MTMR10: variants seen among roughly 807,000 people sequenced by gnomAD.
MTMR10 encodes myotubularin-related protein 10.
MTMR10 carries 56 observed loss-of-function variants against 88.1 expected under a neutral mutation model. That is an observed-to-expected ratio of 0.64 (90% CI 0.51 to 0.79). The LOEUF is 0.79. MTMR10 is among the 30% of genes least tolerant of loss of function. The probability of loss-of-function intolerance (pLI) is 0.00; values close to 1 mark genes in which losing one functional copy is unlikely to be tolerated. For missense variants in MTMR10, 883 were observed against 924.7 expected (o/e 0.95, Z 0.58); for synonymous variants, 380 against 340.9 (o/e 1.11, Z -1.26).
At chr15:30,926,742 C>T in the MTMR10 span, 2 of 985,348 alleles carry the variant, frequency 2.0e-6, no homozygotes, top group South Asian at 4.7e-5. Flanking sequence ...TGGACACTCG[C>T]TGGAGGAGGA....
In MTMR10 at chr15:30,967,930, G is replaced by T; in HGVS notation, c.555C>A (p.Tyr185Ter). The change falls in exon 6 of 16, where the codon TAC (tyrosine) becomes TAA (stop). Residue 185 changes from tyrosine (Y) to a stop codon, truncating the protein, a stop_gained. Coordinates refer to ENST00000435680, the MANE Select transcript of MTMR10 (RefSeq NM_017762.3). LOFTEE classifies it high-confidence loss of function. Reference sequence around the variant, plus strand: ...TATTTTCATATTTACCTGAATTGTGGTATTTTTTCCCAACATATTCAAATG... The same window carrying T: ...TATTTTCATATTTACCTGAATTGTGTTATTTTTTCCCAACATATTCAAATG... ...LFAFEYVGKKYHNSANKINGI... is the reference protein window; with the variant it reads ...LFAFEYVGKK The T allele has an allele frequency of 6.4e-7, 1 of 1,552,454 alleles. No individual in the cohort carries two copies. Among genetic ancestry groups the T allele is most frequent in the Non-Finnish European group, 8.7e-7 (1 of 1,145,294 alleles).
rs1245244040 is a variant in MTMR10, at chr15:30,939,254, C to T, written c.*2216G>A. On this transcript the variant is annotated 3_prime_UTR_variant, in exon 16 of 16. Coordinates refer to ENST00000435680, the MANE Select transcript of MTMR10 (RefSeq NM_017762.3). ...TCCATCATAAAATAACAGCAAGACA[C>T]TGTACACCTTTACGTTCAATACTAG... 4.1e-6 allele frequency: 4 copies of T among 985,362 alleles called. No homozygotes were observed. The African/African-American group carries it at 7.0e-5, about 17-fold the overall frequency. 61.0% of individuals were successfully genotyped at this position (985,362 alleles called of 1,614,324 possible). A position where few individuals can be genotyped will look rare whatever the true frequency, so the allele number is the denominator to read the frequency against.
the MTMR10 span, among the ~76,000 whole-genome samples, chr15:30,924,863 G>A: frequency 9.2e-5 from 14 of 152,116 alleles, no homozygotes; most frequent in Admixed American, 5.2e-4. Flanking sequence ...CTTTGTGAGG[G>A]GCAGCTGCTG....
chr15:30,927,218 C>CAGACA, the MTMR10 span: 4 of 848,928 alleles, frequency 4.7e-6, no homozygotes, highest in African/African-American at 8.1e-5. Flanking sequence ...CAAAACAAAA[C>CAGACA]AAACAAAGGA....
chr15:30,946,562 G>A (rs973801333), intron 14 of MTMR10: 1 of 589,446 alleles, frequency 1.7e-6, no homozygotes, highest in Non-Finnish European at 3.0e-6. Context: ...GTCCACAAGA[G>A]CTGCCCCTTT....
At chr15:30,971,963 C>A (rs1389223767) in intron 5 of MTMR10, among the ~76,000 whole-genome samples, 2 of 152,100 alleles carry the variant, frequency 1.3e-5, no homozygotes, top group East Asian at 3.9e-4. Flanking sequence ...ACAAGACAAC[C>A]AGAAGGGTTC....
At chr15:30,924,382 G>A in the MTMR10 span, among the ~76,000 whole-genome samples, 2 of 152,202 alleles carry the variant, frequency 1.3e-5, no homozygotes, top group East Asian at 3.8e-4. Context: ...TGGTGATTCT[G>A]TGTTGAGCTT....
intron 9 of MTMR10, chr15:30,956,437 T>G (rs1293153847): frequency 6.6e-6 from 1 of 152,202 alleles, no homozygotes; most frequent in African/African-American, 2.4e-5. Flanking sequence ...AATCATGAGA[T>G]TACAGGCTAC....
At chr15:30,958,399 A>G (rs1373642251) in intron 9 of MTMR10, among the ~76,000 whole-genome samples, 1 of 152,210 alleles carries the variant, frequency 6.6e-6, no homozygotes, top group Non-Finnish European at 1.5e-5. Flanking sequence ...ACAACTGAGA[A>G]AGGCCTCCTA....
chr15:30,947,155 G>C lies in MTMR10; in HGVS notation c.1523C>G (p.Pro508Arg). ...CGTGCTTTGCTTCACTCGCTGGTGA[G>C]GGGAGTTGAACAGGAAGGTGCCAAA... is the stretch of plus-strand genomic sequence containing the variant. ...SLFGTFLFNS[P>R]HQRVKQSTEF... Residue 508 changes from proline to arginine, a missense_variant, in exon 14 of 16, where the codon CCT becomes CGT. Around this residue, in one of 3 missense-constraint regions of MTMR10, gnomAD observed 126 missense variants for 178.2 expected, o/e 0.71. Transcript: ENST00000435680. The C allele has an allele frequency of 6.2e-7, 1 of 1,611,510 alleles. No individual in the cohort carries two copies. Among genetic ancestry groups the C allele is most frequent in the Non-Finnish European group, 8.5e-7 (1 of 1,179,056 alleles).
At chr15:30,922,893 G>T in the MTMR10 span, among the ~76,000 whole-genome samples, 1 of 152,258 alleles carries the variant, frequency 6.6e-6, no homozygotes, top group Admixed American at 6.5e-5. Context: ...CTGTGGTGGC[G>T]ATCTAGGGGC....
the MTMR10 span, among the ~76,000 whole-genome samples, chr15:30,923,900 C>T: frequency 2.6e-5 from 4 of 152,126 alleles, no homozygotes; most frequent in East Asian, 1.9e-4. Flanking sequence ...GTGTACAGTT[C>T]AGTGGCATTC....
chr15:30,949,614 AAAAT>A (rs1458848311), intron 12 of MTMR10: 1 of 152,214 alleles, frequency 6.6e-6, no homozygotes, highest in Non-Finnish European at 1.5e-5. Context: ...GAGATTTAAC[AAAAT>A]AAATATAAGA....
intron 12 of MTMR10, among the ~76,000 whole-genome samples, chr15:30,950,978 T>C (rs1464020395): frequency 1.3e-5 from 2 of 152,232 alleles, no homozygotes; most frequent in East Asian, 1.9e-4. Context: ...AAAAAAAAAG[T>C]CTGTTCATGT....
intron 9 of MTMR10, 140 bp from the exon 10 acceptor site, chr15:30,955,033 T>A (rs1040858329): frequency 1.5e-5 from 10 of 645,862 alleles, no homozygotes; most frequent in South Asian, 3.6e-5. Flanking sequence ...TTTTTTTTTT[T>A]AAGACAGAAC....
In MTMR10 at chr15:30,974,700, AT is replaced by A. The variant is rs144295998; in HGVS notation, c.331+230del. Reference sequence around the variant, plus strand: ...TAGACACATTTAATGATTAATTTTAATTAAAAAGAGGACAAAAAACCTAGAA... The same window carrying A: ...TAGACACATTTAATGATTAATTTTAATAAAAAGAGGACAAAAAACCTAGAA... On this transcript the variant is annotated intron_variant, in intron 4 of 15. Coordinates refer to ENST00000435680, the MANE Select transcript of MTMR10 (RefSeq NM_017762.3). Among the ~76,000 whole-genome samples the A allele has an allele frequency of 5.0e-3, 767 of 152,290 alleles. 6 individuals carry two copies. Among genetic ancestry groups the A allele is most frequent in the African/African-American group, 0.018 (730 of 41,572 alleles).
At chr15:30,922,948 G>A in the MTMR10 span, among the ~76,000 whole-genome samples, 18 of 152,360 alleles carry the variant, frequency 1.2e-4, no homozygotes, top group Non-Finnish European at 2.4e-4. Context: ...CCAGGCGGGT[G>A]AGGCCGCAGA....
intron 2 of MTMR10, among the ~76,000 whole-genome samples, chr15:30,986,587 A>C (rs1048868177): frequency 1.1e-4 from 16 of 152,208 alleles, no homozygotes; most frequent in Non-Finnish European, 1.8e-4. Context: ...CAAGTAAGTT[A>C]GAAGAACATA....
chr15:30,922,954 G>A, the MTMR10 span, among the ~76,000 whole-genome samples: 2 of 152,240 alleles, frequency 1.3e-5, no homozygotes, highest in African/African-American at 2.4e-5. Context: ...GGGTGAGGCC[G>A]CAGAGCCTGT....
Sources: allele counts gnomAD v4.1 joint callset (sites outside exome capture counted in the v4.1 genomes callset), GRCh38; gene constraint gnomAD v4.1.1; regional missense constraint gnomAD v4.1.1; transcripts MANE v1.5; gene names NCBI Gene and HGNC (gene_info 2026-07-23, HGNC 2026-07-21).